Variants in MXRA5 observed in about 807,000 individuals in gnomAD.
MXRA5 encodes the protein matrix-remodeling-associated protein 5.
A neutral mutation model predicts 112.5 loss-of-function variants in MXRA5; 41 were observed. The ratio of observed to expected loss-of-function variants is 0.36; its 90% CI spans 0.28 to 0.47. The LOEUF (loss-of-function observed/expected upper bound fraction) is 0.47, where lower values mean the gene tolerates loss of function less well. Among genes scored for constraint, MXRA5 ranks in the 20% least tolerant of loss-of-function variants. MXRA5 has a pLI of 0.99. For missense variants in MXRA5, 2,150 were observed against 2,251.0 expected (o/e 0.96, Z 0.91); for synonymous variants, 862 against 900.8 (o/e 0.96, Z 0.77).
rs772736472 is a variant in MXRA5, at chrX:3,330,672, C to T, written c.290G>A (p.Gly97Glu). Residue 97 changes from glycine (G) to glutamate (E), a missense_variant, in exon 3 of 7, where the codon GGA becomes GAA. By Grantham distance (98) the Gly-to-Glu change is moderately conservative (BLOSUM62 -2). Around this residue, in one of 6 missense-constraint regions of MXRA5, gnomAD observed 386 missense variants for 411.0 expected, o/e 0.94. Coordinates refer to ENST00000217939, the MANE Select transcript of MXRA5 (RefSeq NM_015419.4). ...AAGAGAGCTGAGGTCTCTTAAAGCTCCATCGGGGATGCTTGGGATCTCATT... is the reference window on the plus strand; with the variant it reads ...AAGAGAGCTGAGGTCTCTTAAAGCTTCATCGGGGATGCTTGGGATCTCATT... ...HGNEIPSIPD[G>E]ALRDLSSLQV... is the part of the protein sequence containing the mutation. 9.1e-6 allele frequency: 11 copies of T among 1,209,435 alleles called. No homozygotes were observed. The highest frequency in any genetic ancestry group is 2.3e-4 in the Middle Eastern group (1 of 4,349).
chrX:3,333,606 A>G (rs1488485138), intron 2 of MXRA5, among the ~76,000 whole-genome samples: 5 of 111,581 alleles, frequency 4.5e-5, no homozygotes, highest in Non-Finnish European at 9.4e-5. Context: ...TCTTGAGACC[A>G]AAGCTTCAAC....
intron 2 of MXRA5, among the ~76,000 whole-genome samples, chrX:3,332,364 C>T (rs1270961661): frequency 3.6e-5 from 4 of 111,169 alleles, no homozygotes; most frequent in African/African-American, 1.3e-4. Flanking sequence ...CCTGCCTCAG[C>T]CTCCCGAGTA....
In MXRA5 at chrX:3,309,961, C is replaced by T. The variant is rs1920969471; in HGVS notation, c.8242G>A (p.Gly2748Arg). 1.7e-6 allele frequency: 2 copies of T among 1,211,109 alleles called. No homozygotes were observed. Among genetic ancestry groups the T allele is most frequent in the Non-Finnish European group, 2.2e-6 (2 of 895,231 alleles). ...ATGCAGTTCAGTTTCACGGTGTTCC[C>T]GGGCCGGGTGTAGATGACCGGGGTG... ...EPTPVIYTRP[G>R]NTVKLNCMAM... is the part of the protein sequence containing the mutation. The change falls in exon 7 of 7, where the codon GGG (glycine) becomes AGG (arginine). Residue 2748 changes from glycine to arginine, a missense_variant. By Grantham distance (125) the Gly-to-Arg change is moderately radical. This residue lies in a region of MXRA5 where 178 missense variants were observed against 198.2 expected (regional missense o/e 0.90). Coordinates refer to ENST00000217939, the MANE Select transcript of MXRA5 (RefSeq NM_015419.4).
chrX:3,330,235 G>C lies in MXRA5; in HGVS notation c.492C>G (p.His164Gln), dbSNP rs1312418156. ...RLLHLEGNLLHQLHPSTFSTF... is the reference protein window; with the variant it reads ...RLLHLEGNLLQQLHPSTFSTF... ...TGGAGAAGGTGCTGGGGTGCAGCTG[G>C]TGGAGGAGATTTCCTTCCAAATGGA... Residue 164 changes from histidine to glutamine, a missense_variant, in exon 4 of 7, where the codon CAC becomes CAG. By Grantham distance (24) the His-to-Gln change is conservative. Transcript: ENST00000217939. 8.3e-7 allele frequency: 1 copy of C among 1,211,141 alleles called. No homozygotes were observed.
At chrX:3,335,739 G>A (rs953200393) in intron 2 of MXRA5, among the ~76,000 whole-genome samples, 1 of 112,407 alleles carries the variant, frequency 8.9e-6, no homozygotes, top group Non-Finnish European at 1.9e-5. Flanking sequence ...CAGAGTAGAA[G>A]TCTACATGGC....
rs1238082857 is a variant in MXRA5 at position 3,321,630 on chromosome X, ATG to A, written c.4053_4054del (p.Ile1352ThrfsTer14). ...GGAGACCAAGGAGCGAGAAGTTGGT[ATG>A]GCATTAGTAATTGATTCACCAGTGA... On this transcript the variant is annotated frameshift_variant, in exon 5 of 7. Transcript: ENST00000217939. LOFTEE classifies it high-confidence loss of function. 2 of 1,211,344 alleles carry A rather than the reference ATG, an allele frequency of 1.7e-6. No homozygotes were observed. Among genetic ancestry groups the A allele is most frequent in the Non-Finnish European group, 2.2e-6 (2 of 895,280 alleles).
Position 3,320,995 on chromosome X carries a change from C to T in MXRA5, c.4690G>A (p.Asp1564Asn), listed in dbSNP as rs774060125. The T allele has an allele frequency of 5.8e-6, 7 of 1,211,779 alleles. No homozygotes were observed. Among genetic ancestry groups the T allele is most frequent in the East Asian group, 3.0e-5 (1 of 33,850 alleles). Residue 1564 changes from aspartate (D) to asparagine (N), a missense_variant, in exon 5 of 7, where the codon GAC becomes AAC. Asp to Asn is a conservative substitution (Grantham distance 23). Transcript: ENST00000217939. ...GTAGACAAGTTAAATGCATCCTGGT[C>T]GGAAGAGGGTGTTGATAATTCATTT... ...GPNELSTPSS[D>N]QDAFNLSTKL...
At chrX:3,343,411 AC>A (rs1922033310) in intron 2 of MXRA5, among the ~76,000 whole-genome samples, 1 of 112,333 alleles carries the variant, frequency 8.9e-6, no homozygotes, top group Non-Finnish European at 1.9e-5. Context: ...TCGTTAATAG[AC>A]CTTACAGCAG....
At chrX:3,316,078 G>T (rs1353929854) in intron 6 of MXRA5, among the ~76,000 whole-genome samples, 1 of 67,790 alleles carries the variant, frequency 1.5e-5, no homozygotes, top group Non-Finnish European at 2.7e-5. Flanking sequence ...ACACACTGGG[G>T]CCGGGCGCGG....
At chrX:3,318,153 GT>G (rs34860719) in intron 5 of MXRA5, 150 bp from the exon 6 acceptor site, 16 of 452,765 alleles carry the variant, frequency 3.5e-5, no homozygotes, top group African/African-American at 2.8e-4. Flanking sequence ...GTTTTTAAAA[GT>G]TTTTTTTATA....
chrX:3,341,004 ATATATTATACAT>A, intron 2 of MXRA5, among the ~76,000 whole-genome samples: 1 of 72,249 alleles, frequency 1.4e-5, no homozygotes, highest in African/African-American at 4.7e-5. Context: ...CATGTATAAT[ATATATTATACAT>A]GATATATATA....
At chrX:3,336,566 C>A (rs12687236) in intron 2 of MXRA5, among the ~76,000 whole-genome samples, 21,278 of 110,830 alleles carry the variant, frequency 0.19, 2,790 homozygotes, top group African/African-American at 0.46. Flanking sequence ...ATGACTGCTT[C>A]ATGGATATGA....
In MXRA5 at chrX:3,320,708, G is replaced by C. The variant is rs941672347; in HGVS notation, c.4977C>G (p.Asn1659Lys). Residue 1659 changes from asparagine to lysine, a missense_variant, in exon 5 of 7, where the codon AAC (asparagine) becomes AAG (lysine). Physicochemically the swap from Asn to Lys is moderately conservative, Grantham distance 94. This residue lies in a region of MXRA5 where 1,485 missense variants were observed against 1,471.6 expected (regional missense o/e 1.01). Coordinates refer to ENST00000217939, the MANE Select transcript of MXRA5 (RefSeq NM_015419.4). ...TTYPSGALPE[N>K]KQFTTPRLSS... ...ATAATCTTGGAGTTGTAAACTGTTTGTTCTCTGGCAAAGCCCCAGAAGGAT... is the reference window on the plus strand; with the variant it reads ...ATAATCTTGGAGTTGTAAACTGTTTCTTCTCTGGCAAAGCCCCAGAAGGAT... 1.1e-5 allele frequency: 13 copies of C among 1,209,987 alleles called. No individual in the cohort carries two copies. In the Admixed American group the frequency reaches 2.2e-4, roughly 20 times the overall value.
At chrX:3,318,036 A>C (rs772577859) in intron 5 of MXRA5, 33 bp from the exon 6 acceptor site, 3 of 1,111,538 alleles carry the variant, frequency 2.7e-6, no homozygotes. Flanking sequence ...GCTTTGGCAT[A>C]AACTGTGCCC....
chrX:3,336,274 G>A (rs1425227360), intron 2 of MXRA5, among the ~76,000 whole-genome samples: 2 of 111,486 alleles, frequency 1.8e-5, no homozygotes, highest in African/African-American at 3.3e-5. Context: ...ACATTATGGT[G>A]AGTTGTAGAA....
In MXRA5 at chrX:3,324,980, A is replaced by G. The variant is rs1418593435; in HGVS notation, c.710-5T>C. On this transcript the variant is annotated splice_polypyrimidine_tract_variant and splice_region_variant and intron_variant, in intron 4 of 6. Transcript: ENST00000217939. ...CCTTTTTACACTTCAGAATTCCTAA[A>G]ACAAATAAGCAAATAGACAATAGGG... 2 of 1,163,605 alleles carry G rather than the reference A, an allele frequency of 1.7e-6. No homozygotes were observed. The highest frequency in any genetic ancestry group is 2.3e-6 in the Non-Finnish European group (2 of 874,818).
chrX:3,311,608 T>C lies in MXRA5; in HGVS notation c.6595A>G (p.Lys2199Glu). Residue 2199 changes from lysine (K) to glutamate (E), a missense_variant, in exon 7 of 7, where the codon AAG becomes GAG. Transcript: ENST00000217939. ...ACCAGGGTCCCATTGGCAAACACCT[T>C]GATTCTGCTATCAAAACTACAGAAA... ...DALFSFDSRI[K>E]VFANGTLVVK... 2 of 1,208,271 alleles carry C rather than the reference T, an allele frequency of 1.7e-6. No individual in the cohort carries two copies. Among genetic ancestry groups the C allele is most frequent in the Non-Finnish European group, 2.2e-6 (2 of 893,311 alleles).
At chrX:3,326,160 A>AT (rs1432190576) in intron 4 of MXRA5, among the ~76,000 whole-genome samples, 4 of 86,494 alleles carry the variant, frequency 4.6e-5, no homozygotes, top group African/African-American at 1.8e-4. Context: ...TATAATTTAT[A>AT]ATTATAATTT....
chrX:3,315,367 AGATAGAATAGATAGATAGATAGAT>A lies in MXRA5; in HGVS notation c.6578+1712_6578+1735del, dbSNP rs1352440228. ...ATAGATGATAGATAGATAGATAGAT[AGATAGAATAGATAGATAGATAGAT>A]GATAGATAGATAGATAGATAGATAG... is the stretch of plus-strand genomic sequence containing the variant. On this transcript the variant is annotated intron_variant, in intron 6 of 6. Transcript: ENST00000217939. 3.7e-3 allele frequency among the ~76,000 whole-genome samples: 143 copies of A among 38,853 alleles called. 31 individuals are homozygous for A. The highest frequency in any genetic ancestry group is 4.1e-3 in the African/African-American group (23 of 5,558). 33.7% of individuals were successfully genotyped at this position (38,853 alleles called of 115,157 possible). A position where few individuals can be genotyped will look rare whatever the true frequency, so the allele number is the denominator to read the frequency against.
Sources: gnomAD v4.1 joint callset for allele counts (sites outside exome capture counted in the v4.1 genomes callset) on GRCh38, gnomAD v4.1.1 for gene constraint, gnomAD v4.1.1 regional missense constraint, MANE v1.5 for transcripts, NCBI Gene and HGNC (gene_info 2026-07-23, HGNC 2026-07-21) for gene names.